Variants in CPAMD8 observed in about 807,000 individuals in gnomAD.
CPAMD8 encodes the protein C3 and PZP-like alpha-2-macroglobulin domain-containing protein 8.
A neutral mutation model predicts 224.7 loss-of-function variants in CPAMD8; 146 were observed. That is an observed-to-expected ratio of 0.65 (90% CI 0.57 to 0.75). The LOEUF (loss-of-function observed/expected upper bound fraction) is 0.75. Among genes scored for constraint, CPAMD8 ranks in the 30% least tolerant of loss-of-function variants. The probability of loss-of-function intolerance (pLI) is 0.00; values close to 1 mark genes in which losing one functional copy is unlikely to be tolerated. For synonymous variants in CPAMD8, 966 were observed against 1,044.6 expected (o/e 0.92, Z 1.45); for missense variants, 2,301 against 2,537.5 (o/e 0.91, Z 2.00).
At chr19:16,895,951 C>T in intron 41 of CPAMD8, 1 of 681,368 alleles carries the variant, frequency 1.5e-6, no homozygotes, top group Admixed American at 2.0e-5. Context: ...CCGCGCACAG[C>T]TGTTCGCTGG....
intron 12 of CPAMD8, among the ~76,000 whole-genome samples, chr19:16,990,603 G>T (rs563017716): frequency 1.3e-5 from 2 of 151,928 alleles, no homozygotes; most frequent in Admixed American, 6.6e-5. Context: ...GATGGCTCAC[G>T]CCTGTAATCC....
chr19:17,018,313 T>C (rs1242777716), intron 3 of CPAMD8, among the ~76,000 whole-genome samples: 1 of 152,128 alleles, frequency 6.6e-6, no homozygotes, highest in East Asian at 1.9e-4. Context: ...GTCATAAAAT[T>C]ATTTACATAG....
At chr19:16,990,391 G>C (rs1489114468) in intron 12 of CPAMD8, among the ~76,000 whole-genome samples, 1 of 151,992 alleles carries the variant, frequency 6.6e-6, no homozygotes, top group Admixed American at 6.6e-5. Flanking sequence ...AGACCAGCCT[G>C]GGCAATATAG....
At chr19:16,987,179 A>AAAATATAT (rs1555784836) in intron 13 of CPAMD8, among the ~76,000 whole-genome samples, 14 of 53,920 alleles carry the variant, frequency 2.6e-4, no homozygotes, top group Admixed American at 9.5e-4. Context: ...AAAAAAAAAA[A>AAAATATAT]ATATATATAT....
At chr19:16,945,763 G>C in intron 21 of CPAMD8, 84 bp from the exon 22 acceptor site, 1 of 1,274,662 alleles carries the variant, frequency 7.8e-7, no homozygotes, top group South Asian at 1.2e-5. Context: ...TCCCAGATGT[G>C]TGTGCATGCA....
intron 39 of CPAMD8, 95 bp from the exon 40 acceptor site, chr19:16,896,760 G>A: frequency 1.1e-6 from 1 of 883,900 alleles, no homozygotes; most frequent in East Asian, 3.3e-5. Context: ...CTGGGTCCCG[G>A]GCCCACTACC....
At chr19:16,991,261 G>A (rs142828799) in intron 12 of CPAMD8, among the ~76,000 whole-genome samples, 10 of 152,196 alleles carry the variant, frequency 6.6e-5, no homozygotes, top group Non-Finnish European at 1.2e-4. Flanking sequence ...TCTTTGGTTG[G>A]TTCTAATTTA....
chr19:16,910,951 A>G (rs758716910), intron 29 of CPAMD8, among the ~76,000 whole-genome samples: 1 of 152,246 alleles, frequency 6.6e-6, no homozygotes, highest in Non-Finnish European at 1.5e-5. Context: ...CAGAGGGAGC[A>G]AGGGCCTGCC....
chr19:16,923,066 G>A (rs1418468559), intron 26 of CPAMD8, among the ~76,000 whole-genome samples: 4 of 152,218 alleles, frequency 2.6e-5, no homozygotes, highest in Non-Finnish European at 5.9e-5. Flanking sequence ...CTGCTGGGGC[G>A]AGAGCTTGGG....
At position 16,914,709 on chromosome 19, in the gene CPAMD8, T is replaced by C. The variant is rs1424312084; in HGVS notation, c.3734A>G (p.Gln1245Arg). ...CACGGCCAGGAAGGAGCCATCGGCC[T>C]GCTGCTGCTGGATGATCCAGCTCTT... The part of the protein sequence containing the change: ...AAKSWIIQQQ[Q>R]ADGSFLAVGR... Residue 1245 changes from glutamine to arginine, a missense_variant, in exon 28 of 42, where the codon CAG (glutamine) becomes CGG (arginine). Gln to Arg is a conservative substitution (Grantham distance 43). Around this residue, in one of 4 missense-constraint regions of CPAMD8, gnomAD observed 1,709 missense variants for 1,753.2 expected, o/e 0.97. Coordinates refer to ENST00000443236, the MANE Select transcript of CPAMD8 (RefSeq NM_015692.5). The C allele has an allele frequency of 3.7e-6, 6 of 1,613,560 alleles. No homozygotes were observed. The South Asian group carries it at 6.6e-5, about 18-fold the overall frequency.
At chr19:16,988,027 A>G (rs558173912) in intron 13 of CPAMD8, among the ~76,000 whole-genome samples, 17 of 152,164 alleles carry the variant, frequency 1.1e-4, no homozygotes, top group Non-Finnish European at 2.2e-4. Context: ...AATTAAGTCT[A>G]TTAATTAAAA....
chr19:16,977,599 AGCC>A, intron 14 of CPAMD8, 59 bp from the exon 15 acceptor site: 1 of 1,357,070 alleles, frequency 7.4e-7, no homozygotes, highest in East Asian at 2.4e-5. Flanking sequence ...ATGCAACCTC[AGCC>A]ATTCAGGCTC....
chr19:17,012,630 G>A (rs1405419246), intron 3 of CPAMD8, among the ~76,000 whole-genome samples: 1 of 152,182 alleles, frequency 6.6e-6, no homozygotes, highest in Admixed American at 6.5e-5. Flanking sequence ...GAGCCACTGT[G>A]CCAAGCCTGC....
chr19:16,980,414 T>C lies in CPAMD8; in HGVS notation c.1585+83A>G, dbSNP rs1599838703. 8.8e-6 allele frequency: 12 copies of C among 1,368,194 alleles called. No homozygotes were observed. In the East Asian group the frequency reaches 2.8e-4, roughly 32 times the overall value. 84.8% of individuals were successfully genotyped at this position (1,368,194 alleles called of 1,614,324 possible). A position where few individuals can be genotyped will look rare whatever the true frequency, so the allele number is the denominator to read the frequency against. On this transcript the variant is annotated intron_variant, in intron 14 of 41. Coordinates refer to ENST00000443236, the MANE Select transcript of CPAMD8 (RefSeq NM_015692.5). ...CTCCCCTCTCTGCTGGGTCTTGCCTTGTCCCTCCTTGCAGGAGCACCCATC... is the reference window on the plus strand; with the variant it reads ...CTCCCCTCTCTGCTGGGTCTTGCCTCGTCCCTCCTTGCAGGAGCACCCATC...
chr19:16,894,468 G>A, intron 41 of CPAMD8: 1 of 456,650 alleles, frequency 2.2e-6, no homozygotes, highest in Non-Finnish European at 4.4e-6. Flanking sequence ...ATTCCTATGG[G>A]GCCGCCAGGA....
At chr19:16,969,618 G>T (rs763610578) in intron 18 of CPAMD8, among the ~76,000 whole-genome samples, 1 of 152,174 alleles carries the variant, frequency 6.6e-6, no homozygotes, top group Non-Finnish European at 1.5e-5. Flanking sequence ...AGAGGCTCAC[G>T]CCTGTAATCC....
rs150208416 is a variant in CPAMD8 at position 16,951,718 on chromosome 19, G to A, written c.2508+251C>T. 8.1e-4 allele frequency among the ~76,000 whole-genome samples: 123 copies of A among 152,118 alleles called. 1 individual carries two copies. In the Middle Eastern group the frequency reaches 0.014, roughly 17 times the overall value. ...ATGCGTCCCCACCTCCTCCTCACCC[G>A]GCTTTGACGGTTGGTGAATCAGAGG... On this transcript the variant is annotated intron_variant, in intron 20 of 41. Transcript: ENST00000443236.
chr19:16,903,867 G>A lies in CPAMD8; in HGVS notation c.4252-10C>T, dbSNP rs1443334011. 4 of 1,612,000 alleles carry A rather than the reference G, an allele frequency of 2.5e-6. No homozygotes were observed. The highest frequency in any genetic ancestry group is 1.7e-5 in the Admixed American group (1 of 59,988). The stretch of plus-strand genomic sequence containing the variant: ...GAGCCACGCAGGTGTCCTGGGGATG[G>A]AGGAGGAGACGGCCATCAACCCTGA... On this transcript the variant is annotated splice_polypyrimidine_tract_variant and intron_variant, in intron 32 of 41. Coordinates refer to ENST00000443236, the MANE Select transcript of CPAMD8 (RefSeq NM_015692.5).
intron 32 of CPAMD8, 50 bp downstream of exon 32, chr19:16,904,176 A>AGGGCCCCCCCCCCCC: frequency 1.1e-6 from 1 of 937,332 alleles, no homozygotes; most frequent in Non-Finnish European, 1.7e-6. Flanking sequence ...GACTGCAGGG[A>AGGGCCCCCCCCCCCC]CCCCACCCAC....
Sources: allele counts gnomAD v4.1 joint callset (sites outside exome capture counted in the v4.1 genomes callset), GRCh38; gene constraint gnomAD v4.1.1; regional missense constraint gnomAD v4.1.1; transcripts MANE v1.5; gene names NCBI Gene and HGNC (gene_info 2026-07-23, HGNC 2026-07-21).